The following CDH18 variants were observed in gnomAD, a reference collection of about 807,000 sequenced individuals.
CDH18 encodes cadherin 18, also known as cadherin-18.
CDH18 carries 31 observed loss-of-function variants against 67.9 expected under a neutral mutation model. The observed-to-expected ratio is 0.46, with a 90% CI of 0.34 to 0.62. The LOEUF (loss-of-function observed/expected upper bound fraction) is 0.62. Ranked by LOEUF, CDH18 falls within the 20% of genes least tolerant of loss-of-function variation. The pLI is 0.01. For missense variants in CDH18, 890 were observed against 975.5 expected, an observed-to-expected ratio of 0.91 and a Z score of 1.17; for synonymous variants, 362 against 347.2, an observed-to-expected ratio of 1.04 and a Z score of -0.48.
chr5:20,171,374 A>C (rs1438566171), intron 2 of CDH18, among the ~76,000 whole-genome samples: 2 of 152,066 alleles, frequency 1.3e-5, no homozygotes, highest in African/African-American at 2.4e-5. Flanking sequence ...CCTAGCCAGC[A>C]TCTATTATTT....
rs190623787 is a variant in CDH18, at chr5:19,969,784, T to G, written c.-257+11276A>C. Among the ~76,000 whole-genome samples, 74 of 151,988 alleles carry G rather than the reference T, an allele frequency of 4.9e-4. No homozygotes were observed. The East Asian group carries it at 0.012, about 25-fold the overall frequency. ...GGGTGCAGCACACCAGCATGGCACA[T>G]GTATACATATGTAACTAACCTGCAC... On this transcript the variant is annotated intron_variant, in intron 2 of 12. Transcript: ENST00000382275.
intron 2 of CDH18, among the ~76,000 whole-genome samples, chr5:19,850,605 C>T (rs918584668): frequency 2.6e-5 from 4 of 151,534 alleles, no homozygotes; most frequent in South Asian, 4.2e-4. Context: ...CTTATATGAC[C>T]GATAAATTGT....
chr5:19,731,798 AT>A (rs1444997318), intron 4 of CDH18, among the ~76,000 whole-genome samples: 4 of 152,160 alleles, frequency 2.6e-5, no homozygotes, highest in Non-Finnish European at 5.9e-5. Context: ...ACCATCAAGA[AT>A]TAATGCATGA....
chr5:19,637,954 C>T (rs1049406693), intron 5 of CDH18, among the ~76,000 whole-genome samples: 1 of 152,160 alleles, frequency 6.6e-6, no homozygotes, highest in African/African-American at 2.4e-5. Context: ...TTTCTATCAT[C>T]GCCTTCTAAC....
At chr5:20,129,148 A>G (rs1749061007) in intron 2 of CDH18, among the ~76,000 whole-genome samples, 1 of 152,048 alleles carries the variant, frequency 6.6e-6, no homozygotes, top group Non-Finnish European at 1.5e-5. Flanking sequence ...CATTATGTAG[A>G]AAAGGTTGAT....
intron 2 of CDH18, among the ~76,000 whole-genome samples, chr5:20,017,726 G>A (rs1737998616): frequency 6.6e-6 from 1 of 152,162 alleles, no homozygotes; most frequent in South Asian, 2.1e-4. Flanking sequence ...AAGCCAGAAA[G>A]GGAATCACTA....
chr5:19,659,667 G>C (rs1252943680), intron 5 of CDH18, among the ~76,000 whole-genome samples: 2 of 152,014 alleles, frequency 1.3e-5, no homozygotes, highest in Non-Finnish European at 2.9e-5. Flanking sequence ...CGGGATTAGT[G>C]CCCTCATAAA....
intron 2 of CDH18, among the ~76,000 whole-genome samples, chr5:20,195,243 A>G (rs537652537): frequency 6.6e-6 from 1 of 152,158 alleles, no homozygotes; most frequent in East Asian, 1.9e-4. Context: ...TCCATTACTT[A>G]CTGTTATATA....
At chr5:20,470,190 C>A (rs768812182) in intron 1 of CDH18, among the ~76,000 whole-genome samples, 1 of 152,086 alleles carries the variant, frequency 6.6e-6, no homozygotes, top group East Asian at 1.9e-4. Flanking sequence ...TTATATTTTT[C>A]TCTTCCATCA....
chr5:20,412,476 A>T (rs2150145526), intron 1 of CDH18, among the ~76,000 whole-genome samples: 1 of 152,376 alleles, frequency 6.6e-6, no homozygotes, highest in Admixed American at 6.5e-5. Flanking sequence ...CCTCAAAGGC[A>T]AATGCAACAA....
At chr5:20,334,403 C>T (rs1280146379) in intron 1 of CDH18, among the ~76,000 whole-genome samples, 1 of 151,854 alleles carries the variant, frequency 6.6e-6, no homozygotes, top group African/African-American at 2.4e-5. Flanking sequence ...TCCCAAAGTG[C>T]TGGGATTACA....
At chr5:20,402,797 A>C (rs1260201203) in intron 1 of CDH18, among the ~76,000 whole-genome samples, 1 of 151,764 alleles carries the variant, frequency 6.6e-6, no homozygotes, top group Non-Finnish European at 1.5e-5. Flanking sequence ...AATACCCACT[A>C]CTCGGGAGGC....
chr5:20,295,647 A>G (rs1297576183), intron 1 of CDH18, among the ~76,000 whole-genome samples: 2 of 151,704 alleles, frequency 1.3e-5, no homozygotes, highest in Non-Finnish European at 2.9e-5. Flanking sequence ...GAATCACTTG[A>G]ACCCAGGAGG....
chr5:20,005,842 A>G (rs1207809156), intron 2 of CDH18, among the ~76,000 whole-genome samples: 1 of 151,996 alleles, frequency 6.6e-6, no homozygotes, highest in African/African-American at 2.4e-5. Flanking sequence ...ATGTCTAAAC[A>G]TCTGGATATT....
At chr5:20,014,885 A>G in intron 2 of CDH18, among the ~76,000 whole-genome samples, 1 of 152,138 alleles carries the variant, frequency 6.6e-6, no homozygotes, top group East Asian at 1.9e-4. Context: ...GTCAGAGTAG[A>G]TACTTGTCTA....
chr5:19,957,308 G>GTA (rs997883925), intron 2 of CDH18, among the ~76,000 whole-genome samples: 10 of 150,660 alleles, frequency 6.6e-5, no homozygotes, highest in Non-Finnish European at 1.2e-4. Context: ...ATATGTATGT[G>GTA]TATATATATG....
intron 1 of CDH18, among the ~76,000 whole-genome samples, chr5:20,325,965 T>G (rs1738536021): frequency 6.6e-6 from 1 of 152,168 alleles, no homozygotes; most frequent in Non-Finnish European, 1.5e-5. Context: ...TTCCCCCAAC[T>G]TTATTGAGAG....
chr5:20,389,610 C>T (rs1327934108), intron 1 of CDH18, among the ~76,000 whole-genome samples: 1 of 152,100 alleles, frequency 6.6e-6, no homozygotes, highest in Non-Finnish European at 1.5e-5. Flanking sequence ...CTACCAATGA[C>T]TTTCTTCACA....
intron 11 of CDH18, among the ~76,000 whole-genome samples, chr5:19,490,081 T>C (rs1022568748): frequency 1.3e-5 from 2 of 151,670 alleles, no homozygotes; most frequent in African/African-American, 4.8e-5. Context: ...TAGTAGAGAA[T>C]GAATGAGTTA....
Sources: allele counts gnomAD v4.1 joint callset (sites outside exome capture counted in the v4.1 genomes callset), GRCh38; gene constraint gnomAD v4.1.1; transcripts MANE v1.5; gene names NCBI Gene and HGNC (gene_info 2026-07-23, HGNC 2026-07-21).